SUGP2: variants seen among roughly 807,000 people sequenced by gnomAD.
The protein encoded by SUGP2 is SURP and G-patch domain-containing protein 2.
SUGP2 carries 24 observed loss-of-function variants against 90.5 expected under a neutral mutation model. That is an observed-to-expected ratio of 0.27 (90% confidence interval 0.19 to 0.37). SUGP2 has a LOEUF of 0.37. SUGP2 is among the 10% of genes least tolerant of loss of function. SUGP2 has a pLI of 1.00. For synonymous variants in SUGP2, 473 were observed against 513.4 expected (o/e 0.92, Z 1.06); for missense variants, 1,233 against 1,363.3 (o/e 0.90, Z 1.51).
intron 4 of SUGP2, among the ~76,000 whole-genome samples, chr19:19,018,539 T>C (rs2058587175): frequency 6.7e-6 from 1 of 149,152 alleles, no homozygotes; most frequent in African/African-American, 2.5e-5. Flanking sequence ...CACAAAAAAT[T>C]AGCCAGGCGT....
chr19:19,021,416 GCT>G (rs2058724147), intron 3 of SUGP2, among the ~76,000 whole-genome samples: 1 of 151,548 alleles, frequency 6.6e-6, no homozygotes, highest in South Asian at 2.1e-4. Context: ...TTTTTTCATG[GCT>G]CTCTTTTTAC....
chr19:19,016,283 A>G (rs2058498410), intron 4 of SUGP2, among the ~76,000 whole-genome samples: 1 of 152,014 alleles, frequency 6.6e-6, no homozygotes, highest in African/African-American at 2.4e-5. Context: ...CACCCACCTT[A>G]TAGGTGTGAG....
chr19:19,019,255 G>C (rs1321497605), intron 3 of SUGP2, 26 bp from the exon 4 acceptor site: 1 of 1,599,824 alleles, frequency 6.3e-7, no homozygotes, highest in South Asian at 1.1e-5. Context: ...CAGCTTCTCT[G>C]AGAAATATGC....
chr19:19,004,500 T>A lies in SUGP2; in HGVS notation c.2597A>T (p.Asp866Val). 6.2e-7 allele frequency: 1 copy of A among 1,614,170 alleles called. No individual in the cohort carries two copies. The highest frequency in any genetic ancestry group is 8.5e-7 in the Non-Finnish European group (1 of 1,180,022). The change falls in exon 7 of 11, where the codon GAC becomes GTC. Residue 866 changes from aspartate (D) to valine (V), a missense_variant. This residue lies in a region of SUGP2 where 540 missense variants were observed against 542.6 expected (regional missense o/e 1.00). Coordinates refer to ENST00000452918, the MANE Select transcript of SUGP2 (RefSeq NM_001017392.5). ...DTTGSQESPVDLMEGEAEFED... is the reference protein window; with the variant it reads ...DTTGSQESPVVLMEGEAEFED... Reference sequence around the variant, plus strand: ...AAACTCTGCTTCCCCTTCCATGAGGTCCACGGGGCTCTCCTGAGAACCCGT... The same window carrying A: ...AAACTCTGCTTCCCCTTCCATGAGGACCACGGGGCTCTCCTGAGAACCCGT...
At chr19:18,998,562 A>AT (rs2057701670) in intron 8 of SUGP2, among the ~76,000 whole-genome samples, 1 of 151,984 alleles carries the variant, frequency 6.6e-6, no homozygotes, top group South Asian at 2.1e-4. Flanking sequence ...CTCCGAGGGT[A>AT]TTATATAAAG....
intron 3 of SUGP2, among the ~76,000 whole-genome samples, chr19:19,020,204 C>T (rs141292672): frequency 0.033 from 5,014 of 151,666 alleles, 113 homozygotes; most frequent in Middle Eastern, 0.099. Flanking sequence ...CCAAGGCAGG[C>T]GGATCACGAG....
At chr19:19,026,896 C>T (rs1748081532) in intron 2 of SUGP2, among the ~76,000 whole-genome samples, 1 of 152,106 alleles carries the variant, frequency 6.6e-6, no homozygotes, top group South Asian at 2.1e-4. Context: ...CCGAGGCAGG[C>T]AGGAGGGAAG....
At chr19:19,021,073 C>T (rs769536451) in intron 3 of SUGP2, among the ~76,000 whole-genome samples, 2 of 147,250 alleles carry the variant, frequency 1.4e-5, no homozygotes, top group Non-Finnish European at 3.0e-5. Context: ...GCAGGAGAAT[C>T]GCTTGAACCT....
chr19:19,009,735 CCCTAGAGCTTTTATCCACTGCCTTGCCT>C (rs2058229810), intron 5 of SUGP2, 92 bp downstream of exon 5: 1 of 1,319,980 alleles, frequency 7.6e-7, no homozygotes, highest in Non-Finnish European at 1.0e-6. Context: ...CTGGCCAGGT[CCCTAGAGCTTTTATCCACTGCCTTGCCT>C]AGATTGCAGG....
At chr19:18,994,681 G>A (rs932041331) in intron 9 of SUGP2, 195 bp from the exon 10 acceptor site, 1 of 746,354 alleles carries the variant, frequency 1.3e-6, no homozygotes, top group Non-Finnish European at 2.1e-6. Context: ...GGCTTTTGAG[G>A]GGGTGCCCAG....
chr19:19,015,613 T>C (rs9304959), intron 4 of SUGP2, among the ~76,000 whole-genome samples: 124,125 of 152,076 alleles, frequency 0.82, 50,755 homozygotes, highest in East Asian at 0.89. Flanking sequence ...AAGTGATTCT[T>C]GTGCCTCGGT....
rs774883717 is a variant in SUGP2, at chr19:19,025,664, C to G, written c.684G>C (p.Lys228Asn). 8 of 1,614,054 alleles carry G rather than the reference C, an allele frequency of 5.0e-6. No individual in the cohort carries two copies. The South Asian group carries it at 5.5e-5, about 11-fold the overall frequency. Reference sequence around the variant, plus strand: ...CTGTGAGCAGGCCCTGAGTCTCCCCCTTTCCTAGGAGGGAACCTTCCTGGT... The same window carrying G: ...CTGTGAGCAGGCCCTGAGTCTCCCCGTTTCCTAGGAGGGAACCTTCCTGGT... The part of the protein sequence containing the change: ...IVDQEGSLLG[K>N]GETQGLLTAK... The change falls in exon 3 of 11, where the codon AAG becomes AAC. Residue 228 changes from lysine to asparagine, a missense_variant. Coordinates refer to ENST00000452918, the MANE Select transcript of SUGP2 (RefSeq NM_001017392.5).
At chr19:19,008,248 A>C in intron 6 of SUGP2, 69 bp downstream of exon 6, 1 of 1,322,912 alleles carries the variant, frequency 7.6e-7, no homozygotes, top group Non-Finnish European at 1.1e-6. Context: ...AATCCAGCCT[A>C]AGCAACATCC....
At chr19:18,994,292 G>T (rs1455542996) in intron 10 of SUGP2, 74 bp downstream of exon 10, 3 of 1,559,718 alleles carry the variant, frequency 1.9e-6, no homozygotes, top group East Asian at 2.3e-5. Context: ...CATCAACTTT[G>T]TTGGGGGAAA....
chr19:19,018,686 C>CAAAAAAAA (rs55923416), intron 4 of SUGP2, among the ~76,000 whole-genome samples: 1 of 85,916 alleles, frequency 1.2e-5, no homozygotes, highest in African/African-American at 4.8e-5. Flanking sequence ...GGCTCCGTCT[C>CAAAAAAAA]AAAAAAAAAA....
In SUGP2 at chr19:18,994,491, G is replaced by A. The variant is rs947517425; in HGVS notation, c.3129-5C>T. The A allele has an allele frequency of 6.2e-7, 1 of 1,613,522 alleles. No individual in the cohort carries two copies. Among genetic ancestry groups the A allele is most frequent in the Non-Finnish European group, 8.5e-7 (1 of 1,179,776 alleles). Reference sequence around the variant, plus strand: ...TCCCCTTCCGAGGGGGTTCCCCTAGGGAGTGAAAAAGAGAGTCAGTTGTGC... The same window carrying A: ...TCCCCTTCCGAGGGGGTTCCCCTAGAGAGTGAAAAAGAGAGTCAGTTGTGC... On this transcript the variant is annotated splice_region_variant and splice_polypyrimidine_tract_variant and intron_variant, in intron 9 of 10. Coordinates refer to ENST00000452918, the MANE Select transcript of SUGP2 (RefSeq NM_001017392.5).
chr19:19,008,783 G>C (rs966695437), intron 5 of SUGP2, among the ~76,000 whole-genome samples: 2 of 152,238 alleles, frequency 1.3e-5, no homozygotes, highest in Non-Finnish European at 2.9e-5. Flanking sequence ...TGACAGGCAT[G>C]TGGCCCAGCC....
At chr19:19,031,801 C>G (rs911190816) in intron 1 of SUGP2, among the ~76,000 whole-genome samples, 20 of 150,416 alleles carry the variant, frequency 1.3e-4, no homozygotes, top group African/African-American at 4.6e-4. Context: ...ACTTCAGAGG[C>G]AAGCTGGACC....
chr19:19,017,596 A>G (rs2058548987), intron 4 of SUGP2, among the ~76,000 whole-genome samples: 2 of 151,758 alleles, frequency 1.3e-5, no homozygotes, highest in African/African-American at 4.8e-5. Flanking sequence ...ACATGGTAAA[A>G]CCCCGTCTCT....
Sources: allele counts gnomAD v4.1 joint callset (sites outside exome capture counted in the v4.1 genomes callset), GRCh38; gene constraint gnomAD v4.1.1; regional missense constraint gnomAD v4.1.1; transcripts MANE v1.5; gene names NCBI Gene and HGNC (gene_info 2026-07-23, HGNC 2026-07-21).